The following GREB1 variants were observed in gnomAD, a reference collection of about 807,000 sequenced individuals.
GREB1 encodes protein GREB1.
Under a neutral mutation model 200.7 loss-of-function variants are expected in GREB1, and 106 were observed. The observed-to-expected ratio is 0.53, with a 90% CI of 0.45 to 0.62. The LOEUF is 0.62. Among genes scored for constraint, GREB1 ranks in the 20% least tolerant of loss-of-function variants. The probability of loss-of-function intolerance (pLI) is 0.00; values close to 1 mark genes in which losing one functional copy is unlikely to be tolerated. For missense variants in GREB1, 2,243 were observed against 2,556.8 expected (o/e 0.88, Z 2.65); for synonymous variants, 1,132 against 1,092.4 (o/e 1.04, Z -0.72).
intron 25 of GREB1, among the ~76,000 whole-genome samples, chr2:11,628,509 C>T (rs1684635975): frequency 6.6e-6 from 1 of 152,076 alleles, no homozygotes; most frequent in Admixed American, 6.6e-5. Context: ...TTTGAGTGTG[C>T]AATTGTACTG....
At chr2:11,578,168 T>TGTG in intron 5 of GREB1, 129 bp from the exon 6 acceptor site, 1 of 978,088 alleles carries the variant, frequency 1.0e-6, no homozygotes, top group Non-Finnish European at 1.5e-6. Context: ...AAGACCAGGA[T>TGTG]GTGGTGGCAG....
At chr2:11,516,355 A>G (rs546697093) in intron 1 of GREB1, among the ~76,000 whole-genome samples, 1 of 138,348 alleles carries the variant, frequency 7.2e-6, no homozygotes, top group Non-Finnish European at 1.6e-5. Context: ...TGTGCACGCA[A>G]TCTGTTCTCT....
intron 1 of GREB1, among the ~76,000 whole-genome samples, chr2:11,527,496 G>T (rs950395864): frequency 6.6e-6 from 1 of 152,116 alleles, no homozygotes; most frequent in African/African-American, 2.4e-5. Flanking sequence ...ACTTCACGAG[G>T]GACCGAGCTG....
chr2:11,487,611 C>T (rs745341534), intron 1 of GREB1, among the ~76,000 whole-genome samples: 2 of 152,120 alleles, frequency 1.3e-5, no homozygotes, highest in African/African-American at 2.4e-5. Context: ...CAACTGATTC[C>T]GATAACTTCT....
chr2:11,492,469 A>C lies in GREB1; in HGVS notation c.-159+10088A>C, dbSNP rs78262096. Reference sequence around the variant, plus strand: ...ATTGGGAGCTCAGCTGTGTTATCACAGTCTGTGATCTGGAGCCGGCTTTGC... The same window carrying C: ...ATTGGGAGCTCAGCTGTGTTATCACCGTCTGTGATCTGGAGCCGGCTTTGC... On this transcript the variant is annotated intron_variant, in intron 1 of 2. Transcript: ENST00000628795. This position sits in a 1 kb window ranked among gnomAD's most constrained non-coding sequence, Gnocchi z 4.0. 2.1e-3 allele frequency among the ~76,000 whole-genome samples: 313 copies of C among 152,232 alleles called. No individual in the cohort carries two copies. The highest frequency in any genetic ancestry group is 7.1e-3 in the African/African-American group (297 of 41,558).
chr2:11,555,093 G>A (rs1048997518), intron 1 of GREB1, among the ~76,000 whole-genome samples: 12 of 152,174 alleles, frequency 7.9e-5, no homozygotes, highest in African/African-American at 2.2e-4. Context: ...AGCCTTAAAT[G>A]TCTTCGTTGT....
Position 11,556,627 on chromosome 2 carries a change from T to C in GREB1, c.13T>C (p.Tyr5His). 6.2e-7 allele frequency: 1 copy of C among 1,610,536 alleles called. No individual in the cohort carries two copies. Reference sequence around the variant, plus strand: ...CATCCTCTTGAAGATGGGAAATTCTTACGCTGGACAGCTGAAGACGACACG... The same window carrying C: ...CATCCTCTTGAAGATGGGAAATTCTCACGCTGGACAGCTGAAGACGACACG... MGNSYAGQLKTTRFE... is the reference protein window; with the variant it reads MGNSHAGQLKTTRFE... Residue 5 changes from tyrosine to histidine, a missense_variant, in exon 2 of 33, where the codon TAC becomes CAC. Coordinates refer to ENST00000381486, the MANE Select transcript of GREB1 (RefSeq NM_014668.4).
intron 26 of GREB1, among the ~76,000 whole-genome samples, chr2:11,631,286 G>A (rs1269906332): frequency 6.6e-6 from 1 of 152,204 alleles, no homozygotes; most frequent in Non-Finnish European, 1.5e-5. Flanking sequence ...ATAACAACCC[G>A]AGTGGATAGC....
At chr2:11,538,143 C>T (rs770692250) in intron 1 of GREB1, among the ~76,000 whole-genome samples, 66 of 152,324 alleles carry the variant, frequency 4.3e-4, no homozygotes, top group Non-Finnish European at 6.6e-4. Context: ...GATGCTCGCT[C>T]GGGCAGAACC....
At chr2:11,608,266 A>G (rs1319844094) in intron 17 of GREB1, among the ~76,000 whole-genome samples, 6 of 152,218 alleles carry the variant, frequency 3.9e-5, no homozygotes, top group African/African-American at 1.2e-4. Context: ...TCTTCACTCA[A>G]CAAGTTCAGT....
intron 1 of GREB1, among the ~76,000 whole-genome samples, chr2:11,511,688 G>A (rs912159016): frequency 6.6e-6 from 1 of 152,178 alleles, no homozygotes; most frequent in African/African-American, 2.4e-5. Context: ...GCCTGCTGCT[G>A]AGACCCTGAG....
chr2:11,603,382 C>T (rs1681959317), intron 17 of GREB1, among the ~76,000 whole-genome samples: 1 of 152,216 alleles, frequency 6.6e-6, no homozygotes, highest in South Asian at 2.1e-4. Flanking sequence ...ACATATCCTT[C>T]TCAAGCTATG....
In GREB1 at chr2:11,638,731, C is replaced by G; in HGVS notation, c.5608C>G (p.Leu1870Val). 6.2e-7 allele frequency: 1 copy of G among 1,613,940 alleles called. No individual in the cohort carries two copies. The highest frequency in any genetic ancestry group is 8.5e-7 in the Non-Finnish European group (1 of 1,179,788). Residue 1870 changes from leucine to valine, a missense_variant, in exon 32 of 33, where the codon CTG becomes GTG. Coordinates refer to ENST00000381486, the MANE Select transcript of GREB1 (RefSeq NM_014668.4). The stretch of plus-strand genomic sequence containing the variant: ...TTTAAACATCAGCTGCTCGGACTTG[C>G]TGTTCAGTGGGCTGCTGCTGTACCT... The part of the protein sequence containing the change: ...HSLNISCSDL[L>V]FSGLLLYLCD...
Position 11,580,622 on chromosome 2 carries a change from A to C in GREB1, c.773-82A>C. ...GGGAAAAGCTAGTTTGTGAAACTGC[A>C]AGGAAAATGATTTCCTCCTTGCCTG... On this transcript the variant is annotated intron_variant, in intron 6 of 32. Transcript: ENST00000381486. The surrounding 1 kb of genome is among the most constrained non-coding windows in gnomAD (Gnocchi z 4.5). 6.7e-7 allele frequency: 1 copy of C among 1,487,842 alleles called. No homozygotes were observed. Among genetic ancestry groups the C allele is most frequent in the South Asian group, 1.3e-5 (1 of 75,832 alleles). 92.2% of individuals were successfully genotyped at this position (1,487,842 alleles called of 1,614,324 possible). A position where few individuals can be genotyped will look rare whatever the true frequency, so the allele number is the denominator to read the frequency against.
chr2:11,523,604 G>A (rs1673776184), intron 1 of GREB1, among the ~76,000 whole-genome samples: 2 of 152,116 alleles, frequency 1.3e-5, no homozygotes, highest in Non-Finnish European at 2.9e-5. Flanking sequence ...CTGTCCTTGA[G>A]TTCTAAGCTA....
In GREB1 at chr2:11,606,758, CATTATTATTATT is replaced by C. The variant is rs3035992; in HGVS notation, c.2667-3899_2667-3888del. Reference sequence around the variant, plus strand: ...ATTGATTGCTATTTGATTTTAGTTTCATTATTATTATTATTATTATTATTATTATTATTATTA... The same window carrying C: ...ATTGATTGCTATTTGATTTTAGTTTCATTATTATTATTATTATTATTATTA... On this transcript the variant is annotated intron_variant, in intron 17 of 32. Transcript: ENST00000381486. Among the ~76,000 whole-genome samples, 1,095 of 143,342 alleles carry C rather than the reference CATTATTATTATT, an allele frequency of 7.6e-3. 11 individuals carry two copies. The highest frequency in any genetic ancestry group is 0.014 in the South Asian group (62 of 4,528). 94.0% of individuals were successfully genotyped at this position (143,342 alleles called of 152,430 possible).
At position 11,638,552 on chromosome 2, in the gene GREB1, C is replaced by T. The variant is rs148203748; in HGVS notation, c.5548-119C>T. 2.4e-3 allele frequency: 1,786 copies of T among 739,410 alleles called. 8 individuals carry two copies. Among genetic ancestry groups the T allele is most frequent in the Admixed American group, 3.4e-3 (125 of 37,106 alleles). The allele number at this position is 739,410 out of a possible 1,614,324, so 45.8% of individuals were successfully genotyped here. ...ATAACATGAAAATATTGTCTCTGGC[C>T]CCCCAAAAATCTTGAGCTGGACCAA... is the stretch of plus-strand genomic sequence containing the variant. On this transcript the variant is annotated intron_variant, in intron 31 of 32. Coordinates refer to ENST00000381486, the MANE Select transcript of GREB1 (RefSeq NM_014668.4).
chr2:11,589,068 GGGACGTCAT>G, intron 10 of GREB1, 137 bp downstream of exon 10: 2 of 680,048 alleles, frequency 2.9e-6, no homozygotes, highest in Non-Finnish European at 5.1e-6. Context: ...CTTCACTGGC[GGGACGTCAT>G]GAAGTCACTG....
chr2:11,536,969 T>TA (rs1203798827), intron 1 of GREB1, among the ~76,000 whole-genome samples: 1 of 152,228 alleles, frequency 6.6e-6, no homozygotes, highest in African/African-American at 2.4e-5. Context: ...TCTTTTTTTT[T>TA]ATTTTTCTTT....
Sources: allele counts gnomAD v4.1 joint callset (sites outside exome capture counted in the v4.1 genomes callset), GRCh38; gene constraint gnomAD v4.1.1; non-coding constraint Gnocchi (gnomAD v3.1); transcripts MANE v1.5; gene names NCBI Gene and HGNC (gene_info 2026-07-23, HGNC 2026-07-21).